Variants in TUSC3 observed in about 807,000 individuals in gnomAD.
TUSC3 encodes the protein dolichyl-diphosphooligosaccharide--protein glycosyltransferase subunit TUSC3.
In TUSC3, 45 loss-of-function variants were observed where a neutral mutation model predicts 44.8. That is an observed-to-expected ratio of 1.00 (90% CI 0.79 to 1.29). The LOEUF (loss-of-function observed/expected upper bound fraction) is 1.29. Among genes scored for constraint, TUSC3 ranks in the 50% most tolerant of loss-of-function variants. TUSC3 has a pLI of 0.00. For missense variants in TUSC3, 519 were observed against 437.9 expected (o/e 1.19, Z -1.65); for synonymous variants, 212 against 152.9 (o/e 1.39, Z -2.85).
chr8:15,517,937 G>A (rs1332900622), intron 2 of TUSC3, among the ~76,000 whole-genome samples: 1 of 150,274 alleles, frequency 6.7e-6, no homozygotes, highest in Non-Finnish European at 1.5e-5. Context: ...TGGTACTATC[G>A]CAACTATTTA....
At chr8:15,504,601 ATATATATATATATATATATAT>A (rs1424944121) in intron 2 of TUSC3, among the ~76,000 whole-genome samples, 9 of 39,116 alleles carry the variant, frequency 2.3e-4, no homozygotes, top group African/African-American at 8.9e-4. Context: ...ATATATATAT[ATATATATATATATATATATAT>A]TTTTTTTTTT....
intron 2 of TUSC3, among the ~76,000 whole-genome samples, chr8:15,524,215 A>G (rs969594107): frequency 6.6e-6 from 1 of 152,146 alleles, no homozygotes; most frequent in African/African-American, 2.4e-5. Context: ...TTAAAAATAC[A>G]AATATTAAAT....
the TUSC3 span, among the ~76,000 whole-genome samples, chr8:15,783,284 GAC>G: frequency 1.3e-5 from 2 of 152,126 alleles, no homozygotes; most frequent in Non-Finnish European, 2.9e-5. Context: ...TCCAAAGTGT[GAC>G]ATTTTTTAAT....
intron 6 of TUSC3, among the ~76,000 whole-genome samples, chr8:15,690,571 T>C (rs1808855753): frequency 6.6e-6 from 1 of 152,194 alleles, no homozygotes; most frequent in African/African-American, 2.4e-5. Flanking sequence ...ATGAAATCTT[T>C]GCCAGATCCC....
intron 9 of TUSC3, among the ~76,000 whole-genome samples, chr8:15,755,106 C>G (rs1382889116): frequency 6.6e-6 from 1 of 152,114 alleles, no homozygotes; most frequent in Non-Finnish European, 1.5e-5. Flanking sequence ...CATGCCATTA[C>G]TAAATTCTCT....
chr8:15,791,541 C>G, the TUSC3 span, among the ~76,000 whole-genome samples: 1 of 152,054 alleles, frequency 6.6e-6, no homozygotes, highest in Non-Finnish European at 1.5e-5. Flanking sequence ...ACCACTGTTT[C>G]GAGAGATACT....
At chr8:15,775,737 T>G in the TUSC3 span, among the ~76,000 whole-genome samples, 2 of 111,236 alleles carry the variant, frequency 1.8e-5, no homozygotes, top group Admixed American at 1.2e-4. Flanking sequence ...CATATATAAC[T>G]ATATATTACA....
chr8:15,709,352 A>G (rs760575463), intron 6 of TUSC3, among the ~76,000 whole-genome samples: 1 of 151,992 alleles, frequency 6.6e-6, no homozygotes, highest in Non-Finnish European at 1.5e-5. Flanking sequence ...ACCCCAATCC[A>G]AGTATGAGAT....
At chr8:15,538,577 G>C (rs1250895596), upstream of TUSC3, among the ~76,000 whole-genome samples, 1 of 152,246 alleles carries the variant, frequency 6.6e-6, no homozygotes, top group South Asian at 2.1e-4. Context: ...TAGTTGATAG[G>C]GTTGTTGTGG....
chr8:15,756,502 G>T (rs1029847636), intron 9 of TUSC3, among the ~76,000 whole-genome samples: 1 of 152,072 alleles, frequency 6.6e-6, no homozygotes, highest in Admixed American at 6.6e-5. Flanking sequence ...TTTTCATTAA[G>T]TATTCATTTA....
chr8:15,812,775 A>G, the TUSC3 span, among the ~76,000 whole-genome samples: 361 of 152,248 alleles, frequency 2.4e-3, 1 homozygote, highest in African/African-American at 8.5e-3. Context: ...AATGTAACAT[A>G]TACCATGATT....
In TUSC3 at chr8:15,542,785, G is replaced by T. The variant is rs546538223; in HGVS notation, c.138+2217G>T. On this transcript the variant is annotated intron_variant, in intron 1 of 10. Transcript: ENST00000503731. ...TTAAAAAAGTTTTTCTTGCAAATTA[G>T]TTTTATTTCTCCTAAGTAGGAGCAC... Among the ~76,000 whole-genome samples, 6 of 152,272 alleles carry T rather than the reference G, an allele frequency of 3.9e-5. No individual in the cohort carries two copies. The East Asian group carries it at 7.7e-4, about 20-fold the overall frequency.
chr8:15,782,304 C>T, the TUSC3 span, among the ~76,000 whole-genome samples: 3 of 151,994 alleles, frequency 2.0e-5, no homozygotes, highest in African/African-American at 7.3e-5. Context: ...AAGACTCCAT[C>T]TGTACAAAAA....
At chr8:15,609,103 A>G (rs565139621) in intron 1 of TUSC3, among the ~76,000 whole-genome samples, 1 of 152,312 alleles carries the variant, frequency 6.6e-6, no homozygotes, top group South Asian at 2.1e-4. Flanking sequence ...AGCGTTACAT[A>G]TTTTAGTGAC....
chr8:15,801,527 CA>C, the TUSC3 span, among the ~76,000 whole-genome samples: 1 of 152,034 alleles, frequency 6.6e-6, no homozygotes, highest in Non-Finnish European at 1.5e-5. Context: ...GAGAGAAATA[CA>C]AAGTGACATG....
At chr8:15,772,752 A>G in the TUSC3 span, among the ~76,000 whole-genome samples, 27 of 152,336 alleles carry the variant, frequency 1.8e-4, no homozygotes, top group East Asian at 5.0e-3. Context: ...TAAAAATCCA[A>G]CAAAATACTA....
chr8:15,571,837 C>A (rs1045283265), intron 1 of TUSC3, among the ~76,000 whole-genome samples: 1 of 152,120 alleles, frequency 6.6e-6, no homozygotes, highest in Non-Finnish European at 1.5e-5. Context: ...GGTGCTTTGG[C>A]TGTGAGCTGT....
intron 1 of TUSC3, among the ~76,000 whole-genome samples, chr8:15,459,871 TGTGTATAC>T (rs1263109955): frequency 1.0e-3 from 151 of 147,588 alleles, no homozygotes; most frequent in African/African-American, 3.9e-3. Flanking sequence ...TGTGTGTGTG[TGTGTATAC>T]ATACATACAT....
chr8:15,506,187 A>G (rs1358157561), intron 2 of TUSC3, among the ~76,000 whole-genome samples: 1 of 152,154 alleles, frequency 6.6e-6, no homozygotes, highest in African/African-American at 2.4e-5. Context: ...GTACCCCAAA[A>G]TAAAGGCCTC....
Sources: allele counts gnomAD v4.1 joint callset (sites outside exome capture counted in the v4.1 genomes callset), GRCh38; gene constraint gnomAD v4.1.1; transcripts MANE v1.5; gene names NCBI Gene and HGNC (gene_info 2026-07-23, HGNC 2026-07-21).